NBAS: variants seen among roughly 807,000 people sequenced by gnomAD.
The protein encoded by NBAS is NBAS subunit of NRZ tethering complex.
A neutral mutation model predicts 302.5 loss-of-function variants in NBAS; 219 were observed. The observed-to-expected ratio is 0.72, with a 90% confidence interval of 0.65 to 0.81. The LOEUF is 0.81. Ranked by LOEUF, NBAS falls within the 30% of genes least tolerant of loss-of-function variation. The pLI is 0.00. For missense variants in NBAS, 2,932 were observed against 2,841.6 expected, an observed-to-expected ratio of 1.03 and a Z score of -0.72; for synonymous variants, 1,118 against 1,021.6, an observed-to-expected ratio of 1.09 and a Z score of -1.80.
the NBAS span, among the ~76,000 whole-genome samples, chr2:15,031,766 A>G: frequency 6.6e-6 from 1 of 152,248 alleles, no homozygotes; most frequent in Non-Finnish European, 1.5e-5. Flanking sequence ...GCATGAAGAC[A>G]GGCTACTGCA....
chr2:15,313,740 A>G lies in NBAS; in HGVS notation c.4583-4493T>C, dbSNP rs1671381118. On this transcript the variant is annotated intron_variant, in intron 38 of 51. Coordinates refer to ENST00000281513, the MANE Select transcript of NBAS (RefSeq NM_015909.4). ...GTGCAGTTCACCCACCTGAACATCCATGAGGTCTAATTCCCTAGGGACTTC... is the reference window on the plus strand; with the variant it reads ...GTGCAGTTCACCCACCTGAACATCCGTGAGGTCTAATTCCCTAGGGACTTC... 2.0e-5 allele frequency among the ~76,000 whole-genome samples: 3 copies of G among 152,216 alleles called. No homozygotes were observed. In the South Asian group the frequency reaches 6.2e-4, roughly 31 times the overall value.
At chr2:15,451,483 G>A (rs1679008067) in intron 21 of NBAS, among the ~76,000 whole-genome samples, 1 of 152,086 alleles carries the variant, frequency 6.6e-6, no homozygotes, top group African/African-American at 2.4e-5. Flanking sequence ...AAGGCCTACA[G>A]TATAGTAAAA....
the NBAS span, among the ~76,000 whole-genome samples, chr2:15,071,891 C>A: frequency 6.6e-6 from 1 of 152,084 alleles, no homozygotes; most frequent in African/African-American, 2.4e-5. Flanking sequence ...GGATTTAGAG[C>A]AACAAAGATG....
At chr2:15,260,911 T>A (rs1668820840) in intron 44 of NBAS, among the ~76,000 whole-genome samples, 1 of 152,226 alleles carries the variant, frequency 6.6e-6, no homozygotes, top group Non-Finnish European at 1.5e-5. Context: ...CATTCTGATG[T>A]TTCCGATCCT....
Sources: allele counts gnomAD v4.1 joint callset (sites outside exome capture counted in the v4.1 genomes callset), GRCh38; gene constraint gnomAD v4.1.1; transcripts MANE v1.5; gene names NCBI Gene and HGNC (gene_info 2026-07-23, HGNC 2026-07-21).